The following GRID2 variants were observed in gnomAD, a reference collection of about 807,000 sequenced individuals.
GRID2 encodes the protein glutamate receptor ionotropic, delta-2.
A neutral mutation model predicts 114.8 loss-of-function variants in GRID2; 33 were observed. The observed-to-expected ratio is 0.29, with a 90% CI of 0.22 to 0.38. The LOEUF (loss-of-function observed/expected upper bound fraction) is 0.38, where lower values mean the gene tolerates loss of function less well. Ranked by LOEUF, GRID2 falls within the 10% of genes least tolerant of loss-of-function variation. The pLI is 1.00. For missense variants in GRID2, 1,184 were observed against 1,257.7 expected (o/e 0.94, Z 0.89); for synonymous variants, 505 against 449.9 (o/e 1.12, Z -1.55).
At position 93,034,335 on chromosome 4, in the gene GRID2, G is replaced by A. The variant is rs368544375; in HGVS notation, c.245-50660G>A. Reference sequence around the variant, plus strand: ...GTCATCTGTTGTTACAGAGTTGTTTGTACATAAACCTTGTACGTCAGCACC... The same window carrying A: ...GTCATCTGTTGTTACAGAGTTGTTTATACATAAACCTTGTACGTCAGCACC... On this transcript the variant is annotated intron_variant, in intron 2 of 15. Transcript: ENST00000282020. Among the ~76,000 whole-genome samples the A allele has an allele frequency of 1.2e-4, 18 of 152,242 alleles. No individual in the cohort carries two copies. The East Asian group carries it at 3.5e-3, about 29-fold the overall frequency.
At chr4:92,430,477 T>C (rs981835800) in intron 1 of GRID2, among the ~76,000 whole-genome samples, 1 of 152,204 alleles carries the variant, frequency 6.6e-6, no homozygotes, top group Non-Finnish European at 1.5e-5. Context: ...GTGTCTGTTT[T>C]TATGCCAGTA....
chr4:92,816,190 G>A (rs890700086), intron 2 of GRID2, among the ~76,000 whole-genome samples: 71 of 149,528 alleles, frequency 4.7e-4, no homozygotes, highest in African/African-American at 1.6e-3. Context: ...TGGCACATGC[G>A]TGCAATCCCA....
intron 14 of GRID2, among the ~76,000 whole-genome samples, chr4:93,679,682 G>A (rs1725305443): frequency 6.6e-6 from 1 of 150,992 alleles, no homozygotes. Context: ...TGACTACTGG[G>A]TACATAACAA....
intron 5 of GRID2, among the ~76,000 whole-genome samples, chr4:93,214,067 A>G (rs1449689531): frequency 6.6e-6 from 1 of 152,076 alleles, no homozygotes; most frequent in Non-Finnish European, 1.5e-5. Flanking sequence ...TAAAGAATAT[A>G]AGAAGGAAAA....
chr4:92,490,477 T>G (rs1026629474), intron 1 of GRID2, among the ~76,000 whole-genome samples: 8 of 152,196 alleles, frequency 5.3e-5, no homozygotes, highest in African/African-American at 1.9e-4. Flanking sequence ...AATGGACAAA[T>G]GCTTTATTGA....
intron 2 of GRID2, among the ~76,000 whole-genome samples, chr4:92,739,110 G>T (rs1054001577): frequency 6.6e-5 from 10 of 152,144 alleles, no homozygotes; most frequent in African/African-American, 2.4e-4. Context: ...ACTATTTATA[G>T]TCAGTATCAT....
intron 8 of GRID2, chr4:93,282,474 G>A (rs1056947827): frequency 2.2e-5 from 8 of 369,494 alleles, no homozygotes; most frequent in Admixed American, 7.2e-5. Flanking sequence ...GCAGAAGACC[G>A]TACAAAAAGG....
At chr4:93,281,285 C>T (rs932523321) in intron 8 of GRID2, among the ~76,000 whole-genome samples, 2 of 151,568 alleles carry the variant, frequency 1.3e-5, no homozygotes, top group Non-Finnish European at 2.9e-5. Flanking sequence ...GTATAGGAAA[C>T]AGCAAATGCT....
intron 8 of GRID2, among the ~76,000 whole-genome samples, chr4:93,250,822 G>T (rs1246667849): frequency 6.6e-6 from 1 of 150,634 alleles, no homozygotes; most frequent in Non-Finnish European, 1.5e-5. Context: ...GAAAGGCTGT[G>T]CCAAAACCAG....
intron 1 of GRID2, among the ~76,000 whole-genome samples, chr4:92,522,846 T>C (rs966544694): frequency 6.6e-6 from 1 of 151,966 alleles, no homozygotes; most frequent in Admixed American, 6.6e-5. Context: ...GTTGATGATG[T>C]TTACTAAAAA....
intron 1 of GRID2, among the ~76,000 whole-genome samples, chr4:92,387,634 G>T (rs1489789002): frequency 1.3e-5 from 2 of 152,084 alleles, no homozygotes; most frequent in Admixed American, 1.3e-4. Flanking sequence ...GGAGACAAGG[G>T]AGGAAGGAAG....
At chr4:92,560,907 C>G (rs1453940657) in intron 1 of GRID2, among the ~76,000 whole-genome samples, 1 of 152,058 alleles carries the variant, frequency 6.6e-6, no homozygotes, top group South Asian at 2.1e-4. Flanking sequence ...AGGGTTTCAC[C>G]ATGTTGGTCA....
chr4:93,116,886 A>C (rs574861883), intron 4 of GRID2, among the ~76,000 whole-genome samples: 120 of 152,224 alleles, frequency 7.9e-4, no homozygotes, highest in African/African-American at 2.7e-3. Context: ...TTAAATAGAA[A>C]TGCATAAAAC....
intron 13 of GRID2, among the ~76,000 whole-genome samples, chr4:93,551,238 A>G (rs1245367566): frequency 6.6e-6 from 1 of 152,244 alleles, no homozygotes; most frequent in African/African-American, 2.4e-5. Context: ...CAACATTGAA[A>G]TAAGTACTGT....
At chr4:93,390,658 A>C (rs1764764384) in intron 8 of GRID2, among the ~76,000 whole-genome samples, 1 of 152,180 alleles carries the variant, frequency 6.6e-6, no homozygotes, top group South Asian at 2.1e-4. Context: ...ATTTTATACC[A>C]GAAGAATTAT....
At chr4:92,433,278 C>A (rs1423985408) in intron 1 of GRID2, among the ~76,000 whole-genome samples, 1 of 152,302 alleles carries the variant, frequency 6.6e-6, no homozygotes, top group East Asian at 1.9e-4. Flanking sequence ...TCATGTACAC[C>A]TCAAGTCCAC....
chr4:93,003,053 A>G (rs2149219196), intron 2 of GRID2, among the ~76,000 whole-genome samples: 1 of 151,970 alleles, frequency 6.6e-6, no homozygotes, highest in Middle Eastern at 3.4e-3. Context: ...CACCTGGATA[A>G]TCAAAGACAA....
intron 2 of GRID2, among the ~76,000 whole-genome samples, chr4:92,790,010 G>C (rs1317971858): frequency 6.6e-6 from 1 of 151,814 alleles, no homozygotes; most frequent in Non-Finnish European, 1.5e-5. Flanking sequence ...TCAATTTCTG[G>C]TGGGACCCAG....
At chr4:92,558,125 A>C (rs1322967004) in intron 1 of GRID2, among the ~76,000 whole-genome samples, 1 of 151,994 alleles carries the variant, frequency 6.6e-6, no homozygotes, top group East Asian at 1.9e-4. Context: ...CTGTGAGGGA[A>C]GGTCGAATAT....
Sources: gnomAD v4.1 joint callset for allele counts (sites outside exome capture counted in the v4.1 genomes callset) on GRCh38, gnomAD v4.1.1 for gene constraint, MANE v1.5 for transcripts, NCBI Gene and HGNC (gene_info 2026-07-23, HGNC 2026-07-21) for gene names.